Variants in VRK3 observed in about 807,000 individuals in gnomAD.
VRK3 encodes the protein serine/threonine-protein kinase VRK3.
A neutral mutation model predicts 60.4 loss-of-function variants in VRK3; 50 were observed. The ratio of observed to expected loss-of-function variants is 0.83; its 90% CI spans 0.66 to 1.05. The LOEUF (loss-of-function observed/expected upper bound fraction) is 1.05. Among genes scored for constraint, VRK3 ranks in the 50% least tolerant of loss-of-function variants. VRK3 has a pLI of 0.00. For synonymous variants in VRK3, 246 were observed against 227.8 expected, an observed-to-expected ratio of 1.08 and a Z score of -0.72; for missense variants, 549 against 585.3, an observed-to-expected ratio of 0.94 and a Z score of 0.64.
At chr19:50,008,432 T>A (rs886139368) in intron 4 of VRK3, among the ~76,000 whole-genome samples, 10 of 151,958 alleles carry the variant, frequency 6.6e-5, no homozygotes, top group Non-Finnish European at 1.5e-4. Flanking sequence ...TAAAGGCAAG[T>A]AATGGCAAGA....
Position 49,993,601 on chromosome 19 carries a change from T to C in VRK3, c.871-649A>G, listed in dbSNP as rs138303885. Among the ~76,000 whole-genome samples the C allele has an allele frequency of 4.0e-3, 611 of 152,272 alleles. 3 individuals are homozygous for C. Among genetic ancestry groups the C allele is most frequent in the African/African-American group, 0.014 (587 of 41,550 alleles). ...TTTTATTAGAGAGGGCATTTTGCCA[T>C]GTTGCCCAGGCTGGTCTTGAACTCC... On this transcript the variant is annotated intron_variant, in intron 9 of 14. Transcript: ENST00000316763.
Position 49,988,412 on chromosome 19 carries a change from A to C in VRK3, c.1177T>G (p.Cys393Gly), listed in dbSNP as rs758890272. The stretch of plus-strand genomic sequence containing the variant: ...ATGATGTCCTCAGTGTTGGGAAGGC[A>C]ATTTGTCCATGGCAGAAACCCGTAG... ...WLYGFLPWTN[C>G]LPNTEDIMKQ... The change falls in exon 12 of 15, where the codon TGC becomes GGC. Residue 393 changes from cysteine (C) to glycine (G), a missense_variant. Cys to Gly is a radical substitution (Grantham distance 159). Coordinates refer to ENST00000316763, the MANE Select transcript of VRK3 (RefSeq NM_016440.4). 7 of 1,613,510 alleles carry C rather than the reference A, an allele frequency of 4.3e-6. No homozygotes were observed. Among genetic ancestry groups the C allele is most frequent in the Non-Finnish European group, 5.9e-6 (7 of 1,179,614 alleles).
intron 12 of VRK3, among the ~76,000 whole-genome samples, chr19:49,983,264 G>A (rs73932230): frequency 0.042 from 6,315 of 152,128 alleles, 415 homozygotes; most frequent in African/African-American, 0.14. Flanking sequence ...ATCCACGCAC[G>A]TATGCCTCTG....
At chr19:49,990,716 G>T (rs2076595563) in intron 10 of VRK3, among the ~76,000 whole-genome samples, 1 of 150,294 alleles carries the variant, frequency 6.7e-6, no homozygotes, top group Non-Finnish European at 1.5e-5. Flanking sequence ...GTCTATGTAA[G>T]ACCTATATAC....
intron 2 of VRK3, among the ~76,000 whole-genome samples, chr19:50,016,705 G>A (rs1783258416): frequency 1.3e-5 from 2 of 152,170 alleles, no homozygotes; most frequent in South Asian, 4.1e-4. Flanking sequence ...TACTCTCTAT[G>A]CTTTGCATCT....
chr19:49,978,830 C>A, intron 14 of VRK3: 2 of 382,438 alleles, frequency 5.2e-6, no homozygotes, highest in Non-Finnish European at 9.4e-6. Flanking sequence ...GAAGCTCCCC[C>A]TTGTAATTTT....
chr19:49,978,851 C>T (rs2076374522), intron 14 of VRK3: 2 of 422,382 alleles, frequency 4.7e-6, no homozygotes, highest in East Asian at 3.8e-5. Context: ...CTAGCTACAA[C>T]AGCCAATCAA....
At chr19:49,995,350 A>C in intron 7 of VRK3, 75 bp from the exon 8 acceptor site, 1 of 1,261,472 alleles carries the variant, frequency 7.9e-7, no homozygotes, top group Admixed American at 2.0e-5. Flanking sequence ...GTTCTCAGAG[A>C]AGAAGCACAG....
intron 5 of VRK3, among the ~76,000 whole-genome samples, chr19:50,003,646 G>A (rs541822453): frequency 3.6e-4 from 55 of 152,334 alleles, no homozygotes; most frequent in African/African-American, 1.3e-3. Flanking sequence ...TCCACTGCTC[G>A]AATAACCATA....
chr19:50,010,869 C>T (rs1007838122), intron 3 of VRK3, among the ~76,000 whole-genome samples: 1 of 152,172 alleles, frequency 6.6e-6, no homozygotes, highest in African/African-American at 2.4e-5. Flanking sequence ...GCCAAGATTA[C>T]ACCACTGCAC....
Position 49,988,452 on chromosome 19 carries a change from GCAGTAGCC to G in VRK3, c.1129_1136del (p.Gly377HisfsTer19), listed in dbSNP as rs1185690741. The G allele has an allele frequency of 6.2e-7, 1 of 1,613,690 alleles. No individual in the cohort carries two copies. The highest frequency in any genetic ancestry group is 1.1e-5 in the South Asian group (1 of 91,062). On this transcript the variant is annotated frameshift_variant, in exon 12 of 15. Coordinates refer to ENST00000316763, the MANE Select transcript of VRK3 (RefSeq NM_016440.4). LOFTEE classifies it high-confidence loss of function. ...GAAACCCGTAGAGCCACTTCAGCAT[GCAGTAGCC>G]CAGGCTCTGGAGGTCGCTGCGGCGG... is the stretch of plus-strand genomic sequence containing the variant.
chr19:50,017,741 G>A (rs766903919), intron 2 of VRK3, among the ~76,000 whole-genome samples: 1 of 152,056 alleles, frequency 6.6e-6, no homozygotes, highest in Non-Finnish European at 1.5e-5. Flanking sequence ...CATAATCATG[G>A]CTCACTGCAG....
At chr19:50,010,136 GAC>G (rs1198844076) in intron 3 of VRK3, among the ~76,000 whole-genome samples, 1 of 151,382 alleles carries the variant, frequency 6.6e-6, no homozygotes, top group Non-Finnish European at 1.5e-5. Context: ...TACATATATA[GAC>G]ACACACATAT....
rs201945083 is a variant in VRK3, at chr19:49,993,390, T to C, written c.871-438A>G. Among the ~76,000 whole-genome samples the C allele has an allele frequency of 2.0e-5, 3 of 152,242 alleles. No individual in the cohort carries two copies. In the East Asian group the frequency reaches 5.8e-4, roughly 29 times the overall value. ...GTCCCTATGAGCTCCAGACTCTTTT[T>C]TTGCTGTGTGTATATATATATTTTT... On this transcript the variant is annotated intron_variant, in intron 9 of 14. Transcript: ENST00000316763.
intron 1 of VRK3, chr19:50,024,865 T>C (rs1055066710): frequency 1.3e-5 from 2 of 152,220 alleles, no homozygotes; most frequent in Non-Finnish European, 2.9e-5. Flanking sequence ...GTGTTCCTCC[T>C]AGAAAGTTCA....
intron 3 of VRK3, among the ~76,000 whole-genome samples, chr19:50,012,874 TAAAA>T (rs1231714314): frequency 8.0e-6 from 1 of 125,700 alleles, no homozygotes. Flanking sequence ...GACTCTGTCT[TAAAA>T]AAACAAAGGC....
intron 3 of VRK3, among the ~76,000 whole-genome samples, chr19:50,014,509 A>G (rs1229178593): frequency 2.0e-5 from 3 of 151,074 alleles, no homozygotes. Context: ...CAGTGAGCCG[A>G]GATGTTGCAG....
chr19:50,010,363 A>G (rs10417044), intron 3 of VRK3, among the ~76,000 whole-genome samples: 7,987 of 152,020 alleles, frequency 0.053, 689 homozygotes, highest in African/African-American at 0.18. Flanking sequence ...CTGACTCTCC[A>G]GCTAGCTTAT....
At position 49,989,687 on chromosome 19, in the gene VRK3, G is replaced by A; in HGVS notation, c.1048C>T (p.His350Tyr). The change falls in exon 11 of 15, where the codon CAC becomes TAC. Residue 350 changes from histidine (H) to tyrosine (Y), a missense_variant. Transcript: ENST00000316763. ...VAYVEGSRSP[H>Y]EGDLEFISMD... ...CTAATGAACTCAAGGTCCCCCTCGT[G>A]AGGGCTCCTGCTGCCTTCCACGTAG... The A allele has an allele frequency of 6.2e-7, 1 of 1,613,890 alleles. No individual in the cohort carries two copies. Among genetic ancestry groups the A allele is most frequent in the Non-Finnish European group, 8.5e-7 (1 of 1,179,840 alleles).
Sources: gnomAD v4.1 joint callset for allele counts (sites outside exome capture counted in the v4.1 genomes callset) on GRCh38, gnomAD v4.1.1 for gene constraint, MANE v1.5 for transcripts, NCBI Gene and HGNC (gene_info 2026-07-23, HGNC 2026-07-21) for gene names.